The following FBRS variants were observed in gnomAD, a reference collection of about 807,000 sequenced individuals.
FBRS encodes probable fibrosin-1.
A neutral mutation model predicts 86.1 loss-of-function variants in FBRS; 15 were observed. The ratio of observed to expected loss-of-function variants is 0.17; its 90% confidence interval spans 0.12 to 0.27. The LOEUF (loss-of-function observed/expected upper bound fraction) is 0.27, where lower values mean the gene tolerates loss of function less well. Ranked by LOEUF, FBRS falls within the 10% of genes least tolerant of loss-of-function variation. The pLI, the probability that FBRS is intolerant of heterozygous loss-of-function variation, is 1.00. For synonymous variants in FBRS, 666 were observed against 575.8 expected (o/e 1.16, Z -2.24); for missense variants, 1,367 against 1,301.6 (o/e 1.05, Z -0.77).
In FBRS at chr16:30,659,771, C is replaced by A; in HGVS notation, c.253C>A (p.Arg85Ser). 1 of 1,459,002 alleles carries A rather than the reference C, an allele frequency of 6.9e-7. No individual in the cohort carries two copies. Among genetic ancestry groups the A allele is most frequent in the South Asian group, 1.3e-5 (1 of 77,530 alleles). 90.4% of individuals were successfully genotyped at this position (1,459,002 alleles called of 1,614,324 possible). ...TGGGGGCCCGAGACGCCGGCGGCCC[C>A]GTCCGAGACCTCGACCCCCGCGACC... ...RPGGPRRRRP[R>S]PRPRPPRPRA... Residue 85 changes from arginine to serine, a missense_variant, in exon 1 of 18, where the codon CGT becomes AGT. By Grantham distance (110) the Arg-to-Ser change is moderately radical. Coordinates refer to ENST00000356166, the MANE Select transcript of FBRS (RefSeq NM_001105079.3).
intron 2 of FBRS, 150 bp from the exon 3 acceptor site, chr16:30,661,030 G>A (rs768810268): frequency 2.8e-5 from 35 of 1,250,090 alleles, no homozygotes; most frequent in Non-Finnish European, 3.6e-5. Context: ...TGAGAGCACT[G>A]GGACCCGGGT....
rs781253246 is a variant in FBRS, at chr16:30,668,872, C to T, written c.2259C>T (p.Thr753=). The change falls in exon 17 of 18, where the codon ACC becomes ACT. Residue 753 remains threonine, a synonymous_variant. Coordinates refer to ENST00000356166, the MANE Select transcript of FBRS (RefSeq NM_001105079.3). ...GCCGCCTGCACCGCAGTCCTCTGACCTTTCCTGCCTGGGTCCGGCCCCCTG... is the reference window on the plus strand; with the variant it reads ...GCCGCCTGCACCGCAGTCCTCTGACTTTTCCTGCCTGGGTCCGGCCCCCTG... ...PWGRLHRSPL[T]FPAWVRPPEA... The T allele has an allele frequency of 1.0e-5, 16 of 1,588,676 alleles. No homozygotes were observed. Among genetic ancestry groups the T allele is most frequent in the Admixed American group, 3.5e-5 (2 of 56,820 alleles).
In FBRS at chr16:30,669,763, G is replaced by A; in HGVS notation, c.*118G>A. 1 of 1,290,908 alleles carries A rather than the reference G, an allele frequency of 7.7e-7. No individual in the cohort carries two copies. The highest frequency in any genetic ancestry group is 2.1e-4 in the Middle Eastern group (1 of 4,708). 80.0% of individuals were successfully genotyped at this position (1,290,908 alleles called of 1,614,324 possible). On this transcript the variant is annotated 3_prime_UTR_variant, in exon 18 of 18. Coordinates refer to ENST00000356166, the MANE Select transcript of FBRS (RefSeq NM_001105079.3). The surrounding 1 kb of genome is among the most constrained non-coding windows in gnomAD (Gnocchi z 5.9). ...GGTCATAACCTCACCAGCCACCTCTGAGGTCATGGAACCTGGGAACAGAAG... is the reference window on the plus strand; with the variant it reads ...GGTCATAACCTCACCAGCCACCTCTAAGGTCATGGAACCTGGGAACAGAAG...
Position 30,665,525 on chromosome 16 carries a change from CCA to C in FBRS, c.1705-112_1705-111del. 1.4e-6 allele frequency: 2 copies of C among 1,432,174 alleles called. No individual in the cohort carries two copies. Among genetic ancestry groups the C allele is most frequent in the South Asian group, 2.4e-5 (2 of 81,674 alleles). 88.7% of individuals were successfully genotyped at this position (1,432,174 alleles called of 1,614,324 possible). ...ATCCTCCTGCCCTGCCCTGCTGCACCCAGTTTTCTCCAAAGCCATGATCCCTC... is the reference window on the plus strand; with the variant it reads ...ATCCTCCTGCCCTGCCCTGCTGCACCGTTTTCTCCAAAGCCATGATCCCTC... On this transcript the variant is annotated intron_variant, in intron 10 of 17. Transcript: ENST00000356166. This position sits in a 1 kb window ranked among gnomAD's most constrained non-coding sequence, Gnocchi z 4.1.
chr16:30,667,266 AG>A lies in FBRS; in HGVS notation c.1876-49del, dbSNP rs1047379431. 4.4e-6 allele frequency: 6 copies of A among 1,370,088 alleles called. No homozygotes were observed. In the African/African-American group the frequency reaches 7.3e-5, roughly 17 times the overall value. The allele number at this position is 1,370,088 out of a possible 1,614,324, so 84.9% of individuals were successfully genotyped here. A position where few individuals can be genotyped will look rare whatever the true frequency, so the allele number is the denominator to read the frequency against. ...GGGGAACCACGGGTGAGAGAGCAAG[AG>A]GGGGACCAGACTGGCTCCTCATGTA... On this transcript the variant is annotated intron_variant, in intron 13 of 17. Transcript: ENST00000356166.
rs2151270233 is a variant in FBRS at position 30,665,164 on chromosome 16, A to G, written c.1608+85A>G. On this transcript the variant is annotated intron_variant, in intron 9 of 17. Transcript: ENST00000356166. The surrounding 1 kb of genome is among the most constrained non-coding windows in gnomAD (Gnocchi z 4.1). ...CTTGTGACCCTGACTGCTGGGGTCCAGTCTTCAGCACAAAAGCAAGAGCCT... is the reference window on the plus strand; with the variant it reads ...CTTGTGACCCTGACTGCTGGGGTCCGGTCTTCAGCACAAAAGCAAGAGCCT... The G allele has an allele frequency of 6.4e-7, 1 of 1,550,520 alleles. No homozygotes were observed. Among genetic ancestry groups the G allele is most frequent in the Admixed American group, 1.9e-5 (1 of 51,786 alleles).
At chr16:30,668,665 T>C in intron 16 of FBRS, 22 bp downstream of exon 16, 1 of 1,456,698 alleles carries the variant, frequency 6.9e-7, no homozygotes, top group African/African-American at 1.4e-5. Flanking sequence ...TGCGGTGGGG[T>C]GGGGGGGCTG....
In FBRS at chr16:30,667,528, C is replaced by T. The variant is rs1207503749; in HGVS notation, c.1994-14C>T. ...CACTCAGCCTCATCAGAATCTCCCA[C>T]CTCTCTGCCCCAGGTGCCGTCCACG... is the stretch of plus-strand genomic sequence containing the variant. On this transcript the variant is annotated splice_polypyrimidine_tract_variant and intron_variant, in intron 14 of 17. Transcript: ENST00000356166. The T allele has an allele frequency of 2.0e-6, 3 of 1,526,690 alleles. No individual in the cohort carries two copies. Among genetic ancestry groups the T allele is most frequent in the Non-Finnish European group, 2.6e-6 (3 of 1,134,506 alleles). The allele number at this position is 1,526,690 out of a possible 1,614,324, so 94.6% of individuals were successfully genotyped here. A position where few individuals can be genotyped will look rare whatever the true frequency, so the allele number is the denominator to read the frequency against.
In FBRS at chr16:30,664,424, CCTT is replaced by C. The variant is rs1212239792; in HGVS notation, c.1266_1268del (p.Leu423del). 2.1e-6 allele frequency: 3 copies of C among 1,421,934 alleles called. No individual in the cohort carries two copies. The highest frequency in any genetic ancestry group is 2.8e-6 in the Non-Finnish European group (3 of 1,069,714). The allele number at this position is 1,421,934 out of a possible 1,614,324, so 88.1% of individuals were successfully genotyped here. On this transcript the variant is annotated inframe_deletion, in exon 7 of 18. Coordinates refer to ENST00000356166, the MANE Select transcript of FBRS (RefSeq NM_001105079.3). ...CCCCCCCCACCACCCCACCACCCCT[CCTT>C]GTTCTCCCCTGGCCCCACCCTGCCC...
At position 30,665,682 on chromosome 16, in the gene FBRS, C is replaced by G; in HGVS notation, c.1749C>G (p.Ser583Arg). The G allele has an allele frequency of 6.3e-7, 1 of 1,588,710 alleles. No individual in the cohort carries two copies. The highest frequency in any genetic ancestry group is 8.6e-7 in the Non-Finnish European group (1 of 1,167,824). Reference sequence around the variant, plus strand: ...CACCACGACTGGGGCCGGTGCCGAGCGGGCTCTCCCAGAAGGGGACACAGG... The same window carrying G: ...CACCACGACTGGGGCCGGTGCCGAGGGGGCTCTCCCAGAAGGGGACACAGG... ...ELPPRLGPVP[S>R]GLSQKGTQIP... The change falls in exon 11 of 18, where the codon AGC becomes AGG. Residue 583 changes from serine (S) to arginine (R), a missense_variant. Ser to Arg is a moderately radical substitution (Grantham distance 110). Around this residue, in one of 3 missense-constraint regions of FBRS, gnomAD observed 659 missense variants for 678.8 expected, o/e 0.97. Coordinates refer to ENST00000356166, the MANE Select transcript of FBRS (RefSeq NM_001105079.3). This position sits in a 1 kb window ranked among gnomAD's most constrained non-coding sequence, Gnocchi z 4.1.
rs2052577814 is a variant in FBRS at position 30,670,030 on chromosome 16, C to T, written c.*385C>T. 2.0e-6 allele frequency: 1 copy of T among 509,256 alleles called. No individual in the cohort carries two copies. The highest frequency in any genetic ancestry group is 3.8e-6 in the Non-Finnish European group (1 of 263,046). 31.5% of individuals were successfully genotyped at this position (509,256 alleles called of 1,614,324 possible). A position where few individuals can be genotyped will look rare whatever the true frequency, so the allele number is the denominator to read the frequency against. On this transcript the variant is annotated 3_prime_UTR_variant, in exon 18 of 18. Coordinates refer to ENST00000356166, the MANE Select transcript of FBRS (RefSeq NM_001105079.3). ...CCTCCCGTTCACCTACCACCCAAGT[C>T]CTCATGCCCTCCGAGGGCTGGGGGA...
intron 6 of FBRS, chr16:30,663,106 A>G: frequency 1.7e-6 from 1 of 581,680 alleles, no homozygotes. Flanking sequence ...CAGGCAGGCA[A>G]GTCTGCTCGG....
chr16:30,665,412 A>G lies in FBRS; in HGVS notation c.1704+11A>G, dbSNP rs923849280. Reference sequence around the variant, plus strand: ...GCCTTCCAGCCCAAGGTGAGCTCCCAATCCAGACACCACCACCGCCTACCA... The same window carrying G: ...GCCTTCCAGCCCAAGGTGAGCTCCCGATCCAGACACCACCACCGCCTACCA... On this transcript the variant is annotated intron_variant, in intron 10 of 17. Transcript: ENST00000356166. This position sits in a 1 kb window ranked among gnomAD's most constrained non-coding sequence, Gnocchi z 4.1. 7 of 1,561,874 alleles carry G rather than the reference A, an allele frequency of 4.5e-6. No homozygotes were observed. The highest frequency in any genetic ancestry group is 6.1e-6 in the Non-Finnish European group (7 of 1,152,992).
chr16:30,669,464 C>T lies in FBRS; in HGVS notation c.2762C>T (p.Ala921Val), dbSNP rs2052569863. ...GCCCGCCTCTACGGTCTGGAACCTGCTCACCCCTTGCTCTACAGCCGCTTG... is the reference window on the plus strand; with the variant it reads ...GCCCGCCTCTACGGTCTGGAACCTGTTCACCCCTTGCTCTACAGCCGCTTG... ...AAARLYGLEP[A>V]HPLLYSRLAP... is the part of the protein sequence containing the mutation. The change falls in exon 18 of 18, where the codon GCT becomes GTT. Residue 921 changes from alanine (A) to valine (V), a missense_variant. Coordinates refer to ENST00000356166, the MANE Select transcript of FBRS (RefSeq NM_001105079.3). The surrounding 1 kb of genome is among the most constrained non-coding windows in gnomAD (Gnocchi z 5.9). 1.2e-6 allele frequency: 2 copies of T among 1,613,168 alleles called. No homozygotes were observed. The highest frequency in any genetic ancestry group is 1.3e-5 in the African/African-American group (1 of 75,054).
chr16:30,670,265 G>C lies in FBRS; in HGVS notation c.*620G>C. ...GGGAAGAGCCGGGAAGGGACAGTCAGGCTTCTCCCTGGGAAGGTGGGGCCA... is the reference window on the plus strand; with the variant it reads ...GGGAAGAGCCGGGAAGGGACAGTCACGCTTCTCCCTGGGAAGGTGGGGCCA... On this transcript the variant is annotated 3_prime_UTR_variant, in exon 18 of 18. Transcript: ENST00000356166. The C allele has an allele frequency of 2.2e-6, 1 of 453,064 alleles. No individual in the cohort carries two copies. The highest frequency in any genetic ancestry group is 1.6e-5 in the South Asian group (1 of 64,224). 28.1% of individuals were successfully genotyped at this position (453,064 alleles called of 1,614,324 possible). A position where few individuals can be genotyped will look rare whatever the true frequency, so the allele number is the denominator to read the frequency against.
Position 30,669,169 on chromosome 16 carries a change from G to T in FBRS, c.2467G>T (p.Val823Leu). 1 of 1,555,842 alleles carries T rather than the reference G, an allele frequency of 6.4e-7. No homozygotes were observed. The highest frequency in any genetic ancestry group is 2.4e-5 in the East Asian group (1 of 41,220). ...GPRPTKESVR[V>L]KEERKEEAAA... Reference sequence around the variant, plus strand: ...TCGGCCAACCAAGGAATCTGTGCGGGTAAAGGAAGAGCGGAAGGAGGAGGC... The same window carrying T: ...TCGGCCAACCAAGGAATCTGTGCGGTTAAAGGAAGAGCGGAAGGAGGAGGC... The change falls in exon 18 of 18, where the codon GTA (valine) becomes TTA (leucine). Residue 823 changes from valine (V) to leucine (L), a missense_variant. This residue lies in a region of FBRS where 659 missense variants were observed against 678.8 expected (regional missense o/e 0.97). Transcript: ENST00000356166. This position sits in a 1 kb window ranked among gnomAD's most constrained non-coding sequence, Gnocchi z 5.9.
In FBRS at chr16:30,665,598, GCC is replaced by G; in HGVS notation, c.1705-39_1705-38del. On this transcript the variant is annotated intron_variant, in intron 10 of 17. Coordinates refer to ENST00000356166, the MANE Select transcript of FBRS (RefSeq NM_001105079.3). This position sits in a 1 kb window ranked among gnomAD's most constrained non-coding sequence, Gnocchi z 4.1. ...GGTTCTGGATCCCTTTGTGCTTGGTGCCAGCTCTCCTGTCTGATCCCTCCACT... is the reference window on the plus strand; with the variant it reads ...GGTTCTGGATCCCTTTGTGCTTGGTGAGCTCTCCTGTCTGATCCCTCCACT... 1.9e-6 allele frequency: 3 copies of G among 1,554,722 alleles called. No individual in the cohort carries two copies. The highest frequency in any genetic ancestry group is 2.6e-6 in the Non-Finnish European group (3 of 1,147,990).
chr16:30,669,195 TGCC>T lies in FBRS; in HGVS notation c.2502_2504del (p.Ala849del). The T allele has an allele frequency of 3.9e-6, 6 of 1,545,692 alleles. No homozygotes were observed. The highest frequency in any genetic ancestry group is 2.4e-5 in the South Asian group (2 of 84,010). On this transcript the variant is annotated inframe_deletion, in exon 18 of 18. Transcript: ENST00000356166. This position sits in a 1 kb window ranked among gnomAD's most constrained non-coding sequence, Gnocchi z 5.9. ...TAAAGGAAGAGCGGAAGGAGGAGGC[TGCC>T]GCCGCCGCTGCCGCTGCTGCTGCCG...
At position 30,662,672 on chromosome 16, in the gene FBRS, C is replaced by T. The variant is rs1355788280; in HGVS notation, c.868C>T (p.Leu290=). 2.6e-6 allele frequency: 4 copies of T among 1,549,286 alleles called. No homozygotes were observed. In the African/African-American group the frequency reaches 5.5e-5, roughly 21 times the overall value. ...QEQPPGPDPL[L]VPFPPKEPPP... ...ACAGCCCCCGGGGCCCGACCCGCTG[C>T]TAGTGCCTTTCCCCCCAAAGGAACC... The change falls in exon 6 of 18, where the codon CTA becomes TTA. Residue 290 remains leucine (L), a synonymous_variant. Transcript: ENST00000356166.
Sources: gnomAD v4.1 joint callset for allele counts on GRCh38, gnomAD v4.1.1 for gene constraint, gnomAD v4.1.1 regional missense constraint, Gnocchi (gnomAD v3.1) non-coding constraint, MANE v1.5 for transcripts, NCBI Gene and HGNC (gene_info 2026-07-23, HGNC 2026-07-21) for gene names.